Variants in KIFC2 observed in about 807,000 individuals in gnomAD.
KIFC2 encodes the protein kinesin family member C2.
KIFC2 carries 94 observed loss-of-function variants against 91.5 expected under a neutral mutation model. That is an observed-to-expected ratio of 1.03 (90% CI 0.87 to 1.22). KIFC2 has a LOEUF of 1.22. Ranked by LOEUF, KIFC2 falls within the 50% of genes most tolerant of loss-of-function variation. The pLI is 0.00. For synonymous variants in KIFC2, 729 were observed against 503.9 expected (o/e 1.45, Z -5.98); for missense variants, 1,357 against 1,103.3 (o/e 1.23, Z -3.26).
Position 144,469,772 on chromosome 8 carries a change from G to A in KIFC2, c.1380+125G>A, listed in dbSNP as rs114010211. The A allele has an allele frequency of 1.0e-3, 1,278 of 1,260,360 alleles. 8 individuals are homozygous for A. In the African/African-American group the frequency reaches 0.016, roughly 16 times the overall value. 78.1% of individuals were successfully genotyped at this position (1,260,360 alleles called of 1,614,324 possible). The stretch of plus-strand genomic sequence containing the variant: ...GAGGAGAGAGGGTGGCTGGGCTCTA[G>A]CCAGGAAGGAAAGGGAACCGAGGGG... On this transcript the variant is annotated intron_variant, in intron 12 of 17. Coordinates refer to ENST00000645548, the MANE Select transcript of KIFC2 (RefSeq NM_001369769.2).
Position 144,472,176 on chromosome 8 carries a change from GC to G in KIFC2, c.1525del (p.Gln509SerfsTer15). The G allele has an allele frequency of 6.2e-7, 1 of 1,613,338 alleles. No homozygotes were observed. Among genetic ancestry groups the G allele is most frequent in the Non-Finnish European group, 8.5e-7 (1 of 1,180,014 alleles). ...EDPGIVPRAL[Q>X]SLFREMGAGR... The stretch of plus-strand genomic sequence containing the variant: ...ACCCCGGCATAGTTCCTAGGGCGCT[GC>G]AGTCGCTGTTCCGGGAGATGGGGGC... On this transcript the variant is annotated frameshift_variant, in exon 14 of 18. Transcript: ENST00000645548. LOFTEE classifies it high-confidence loss of function.
intron 7 of KIFC2, 160 bp from the exon 8 acceptor site, chr8:144,468,169 C>T (rs1230962710): frequency 6.7e-6 from 7 of 1,038,872 alleles, no homozygotes; most frequent in Non-Finnish European, 9.6e-6. Flanking sequence ...GTGGCTGACC[C>T]CAGGAGAGCA....
At chr8:144,471,780 G>A (rs1017074928) in intron 12 of KIFC2, among the ~76,000 whole-genome samples, 162 bp from the exon 13 acceptor site, 3 of 152,034 alleles carry the variant, frequency 2.0e-5, no homozygotes, top group East Asian at 1.9e-4. Flanking sequence ...GGAGACAGAG[G>A]GTCTCTGTAG....
At position 144,473,581 on chromosome 8, in the gene KIFC2, C is replaced by T. The variant is rs375461784; in HGVS notation, c.*192C>T. ...TGTGTTGTGCCTGCTGAAGTGATCACCCCCCGCCCCCAGCCCTGCATCAGG... is the reference window on the plus strand; with the variant it reads ...TGTGTTGTGCCTGCTGAAGTGATCATCCCCCGCCCCCAGCCCTGCATCAGG... On this transcript the variant is annotated 3_prime_UTR_variant, in exon 18 of 18. Transcript: ENST00000645548. The T allele has an allele frequency of 1.6e-5, 13 of 792,582 alleles. No individual in the cohort carries two copies. Among genetic ancestry groups the T allele is most frequent in the African/African-American group, 7.4e-5 (4 of 54,386 alleles). 49.1% of individuals were successfully genotyped at this position (792,582 alleles called of 1,614,324 possible). A position where few individuals can be genotyped will look rare whatever the true frequency, so the allele number is the denominator to read the frequency against.
At position 144,466,941 on chromosome 8, in the gene KIFC2, C is replaced by G. The variant is rs183995594; in HGVS notation, c.179-18C>G. Reference sequence around the variant, plus strand: ...CACGTGACCCGAAATGTCTCCCGCCCTCCTCCCTGACCGGCAGCCAGCTCC... The same window carrying G: ...CACGTGACCCGAAATGTCTCCCGCCGTCCTCCCTGACCGGCAGCCAGCTCC... On this transcript the variant is annotated intron_variant, in intron 2 of 17. Transcript: ENST00000645548. 4,878 of 1,586,002 alleles carry G rather than the reference C, an allele frequency of 3.1e-3. 82 individuals carry two copies. The African/African-American group carries it at 0.037, about 12-fold the overall frequency.
Position 144,466,494 on chromosome 8 carries a change from C to T in KIFC2, c.75C>T (p.Ala25=). 2.3e-6 allele frequency: 3 copies of T among 1,314,696 alleles called. No homozygotes were observed. The highest frequency in any genetic ancestry group is 2.9e-6 in the Non-Finnish European group (3 of 1,024,654). The allele number at this position is 1,314,696 out of a possible 1,614,324, so 81.4% of individuals were successfully genotyped here. A position where few individuals can be genotyped will look rare whatever the true frequency, so the allele number is the denominator to read the frequency against. Residue 25 remains alanine (A), a synonymous_variant, in exon 1 of 18, where the codon GCC becomes GCT. Transcript: ENST00000645548. ...GCAGGGATGGTGGCGCCGCGGCGGC[C>T]GCGGAGCCCGGGGACCCCGCCCAGG... ...LFRRDGGAAA[A]AEPGDPAQRA...
rs1355340562 is a variant in KIFC2, at chr8:144,466,527, G to T, written c.99+9G>T. 8.1e-7 allele frequency: 1 copy of T among 1,238,614 alleles called. No individual in the cohort carries two copies. The highest frequency in any genetic ancestry group is 2.5e-5 in the South Asian group (1 of 39,270). The allele number at this position is 1,238,614 out of a possible 1,614,324, so 76.7% of individuals were successfully genotyped here. On this transcript the variant is annotated intron_variant, in intron 1 of 17. Transcript: ENST00000645548. ...CCGGGGACCCCGCCCAGGTGAGCGGGGCTGGCCGTGCAGCCCGTCGTCTCC... is the reference window on the plus strand; with the variant it reads ...CCGGGGACCCCGCCCAGGTGAGCGGTGCTGGCCGTGCAGCCCGTCGTCTCC...
chr8:144,467,103 T>C lies in KIFC2; in HGVS notation c.323T>C (p.Leu108Pro), dbSNP rs957680349. 1.2e-6 allele frequency: 2 copies of C among 1,602,672 alleles called. No homozygotes were observed. Among genetic ancestry groups the C allele is most frequent in the African/African-American group, 2.7e-5 (2 of 74,812 alleles). The part of the protein sequence containing the change: ...AEESCGGPAD[L>P]GQSGEVPSLL... ...GAGAGCTGCGGGGGCCCGGCGGACC[T>C]GGGCCAGGTGAGCGCGGCGGAGGGG... Residue 108 changes from leucine to proline, a missense_variant, in exon 3 of 18, where the codon CTG (leucine) becomes CCG (proline). Coordinates refer to ENST00000645548, the MANE Select transcript of KIFC2 (RefSeq NM_001369769.2).
In KIFC2 at chr8:144,472,147, G is replaced by A; in HGVS notation, c.1495G>A (p.Glu499Lys). The change falls in exon 14 of 18, where the codon GAG becomes AAG. Residue 499 changes from glutamate to lysine, a missense_variant. By Grantham distance (56) the Glu-to-Lys change is moderately conservative (BLOSUM62 1). Transcript: ENST00000645548. ...GKTYSMEGPP[E>K]DPGIVPRALQ... ...CCCACCCCATCCTCAGGGCCCTCCT[G>A]AGGACCCCGGCATAGTTCCTAGGGC... is the stretch of plus-strand genomic sequence containing the variant. The A allele has an allele frequency of 6.2e-7, 1 of 1,613,240 alleles. No individual in the cohort carries two copies. Among genetic ancestry groups the A allele is most frequent in the Non-Finnish European group, 8.5e-7 (1 of 1,180,012 alleles).
intron 8 of KIFC2, 33 bp from the exon 9 acceptor site, chr8:144,468,503 C>T (rs780042063): frequency 3.0e-5 from 42 of 1,418,670 alleles, no homozygotes; most frequent in Non-Finnish European, 3.4e-5. Context: ...GTGCCTGTTT[C>T]CTCAGTGACA....
Position 144,466,969 on chromosome 8 carries a change from G to T in KIFC2, c.189G>T (p.Glu63Asp). 1 of 1,595,022 alleles carries T rather than the reference G, an allele frequency of 6.3e-7. No individual in the cohort carries two copies. Reference protein sequence around the residue: ...TELTGLAASSEPEDGSEGAAE... With the variant: ...TELTGLAASSDPEDGSEGAAE... The stretch of plus-strand genomic sequence containing the variant: ...CTCCCTGACCGGCAGCCAGCTCCGA[G>T]CCTGAGGATGGGTCGGAAGGCGCAG... Residue 63 changes from glutamate to aspartate, a missense_variant, in exon 3 of 18, where the codon GAG (glutamate) becomes GAT (aspartate). Physicochemically the swap from Glu to Asp is conservative, Grantham distance 45 (BLOSUM62 2). Coordinates refer to ENST00000645548, the MANE Select transcript of KIFC2 (RefSeq NM_001369769.2).
Position 144,472,149 on chromosome 8 carries a change from G to A in KIFC2, c.1497G>A (p.Glu499=), listed in dbSNP as rs1564749811. The A allele has an allele frequency of 6.2e-7, 1 of 1,613,252 alleles. No individual in the cohort carries two copies. Among genetic ancestry groups the A allele is most frequent in the Admixed American group, 1.7e-5 (1 of 60,024 alleles). The part of the protein sequence containing the change: ...GKTYSMEGPP[E]DPGIVPRALQ... The stretch of plus-strand genomic sequence containing the variant: ...CACCCCATCCTCAGGGCCCTCCTGA[G>A]GACCCCGGCATAGTTCCTAGGGCGC... Residue 499 remains glutamate, a synonymous_variant, in exon 14 of 18, where the codon GAG becomes GAA. Transcript: ENST00000645548.
In KIFC2 at chr8:144,467,062, C is replaced by G. The variant is rs780492551; in HGVS notation, c.282C>G (p.Val94=). 123 of 1,596,130 alleles carry G rather than the reference C, an allele frequency of 7.7e-5. No homozygotes were observed. Among genetic ancestry groups the G allele is most frequent in the Non-Finnish European group, 1.0e-4 (120 of 1,171,834 alleles). The part of the protein sequence containing the change: ...ALLRLAEFLS[V]QLGAEESCGG... ...TGCGCCTCGCCGAGTTCCTCTCCGT[C>G]CAGCTGGGGGCGGAAGAGAGCTGCG... Residue 94 remains valine, a synonymous_variant, in exon 3 of 18, where the codon GTC becomes GTG. Coordinates refer to ENST00000645548, the MANE Select transcript of KIFC2 (RefSeq NM_001369769.2).
rs550048193 is a variant in KIFC2 at position 144,472,437 on chromosome 8, G to A, written c.1684G>A (p.Ala562Thr). 6.2e-7 allele frequency: 1 copy of A among 1,612,668 alleles called. No individual in the cohort carries two copies. The highest frequency in any genetic ancestry group is 1.7e-5 in the Admixed American group (1 of 59,974). ...AGAAGGCCAGGGCGGGATCCAGGTG[G>A]CTGGCCTCACCCACTGGGACGTGCC... ...GPEGQGGIQV[A>T]GLTHWDVPNL... is the part of the protein sequence containing the mutation. Residue 562 changes from alanine to threonine, a missense_variant, in exon 15 of 18, where the codon GCT (alanine) becomes ACT (threonine). Physicochemically the swap from Ala to Thr is moderately conservative, Grantham distance 58. Coordinates refer to ENST00000645548, the MANE Select transcript of KIFC2 (RefSeq NM_001369769.2).
rs770195906 is a variant in KIFC2 at position 144,467,706 on chromosome 8, C to T, written c.616-8C>T. On this transcript the variant is annotated splice_region_variant and splice_polypyrimidine_tract_variant and intron_variant, in intron 5 of 17. Coordinates refer to ENST00000645548, the MANE Select transcript of KIFC2 (RefSeq NM_001369769.2). ...GAGGTCCACCCTGTCTCTCTTACTTCTCCCCAGCTGGAGGAGCTGAAGCAG... is the reference window on the plus strand; with the variant it reads ...GAGGTCCACCCTGTCTCTCTTACTTTTCCCCAGCTGGAGGAGCTGAAGCAG... 18 of 1,613,642 alleles carry T rather than the reference C, an allele frequency of 1.1e-5. No individual in the cohort carries two copies. Among genetic ancestry groups the T allele is most frequent in the East Asian group, 2.2e-5 (1 of 44,888 alleles).
In KIFC2 at chr8:144,470,010, C is replaced by T. The variant is rs145761674; in HGVS notation, c.1380+363C>T. ...CTCTCTCTGCCTTGCCTGGATCCCA[C>T]TCTCCTTCCCCACCCTTTTCCTGCC... On this transcript the variant is annotated intron_variant, in intron 12 of 17. Coordinates refer to ENST00000645548, the MANE Select transcript of KIFC2 (RefSeq NM_001369769.2). Among the ~76,000 whole-genome samples, 1,394 of 152,392 alleles carry T rather than the reference C, an allele frequency of 9.1e-3. 15 individuals carry two copies. Among genetic ancestry groups the T allele is most frequent in the South Asian group, 0.032 (153 of 4,832 alleles).
chr8:144,467,003 C>G lies in KIFC2; in HGVS notation c.223C>G (p.Arg75Gly), dbSNP rs764256709. The G allele has an allele frequency of 1.1e-4, 168 of 1,594,622 alleles. 1 individual carries two copies. The highest frequency in any genetic ancestry group is 4.4e-4 in the Admixed American group (26 of 58,574). ...TGGGTCGGAAGGCGCAGCCGAGGGC[C>G]GCGCGGCCGCGGTGTCCCTGGAAGA... ...EDGSEGAAEGRAAAVSLEEAL... is the reference protein window; with the variant it reads ...EDGSEGAAEGGAAAVSLEEAL... The change falls in exon 3 of 18, where the codon CGC (arginine) becomes GGC (glycine). Residue 75 changes from arginine to glycine, a missense_variant. By Grantham distance (125) the Arg-to-Gly change is moderately radical (BLOSUM62 -2). Coordinates refer to ENST00000645548, the MANE Select transcript of KIFC2 (RefSeq NM_001369769.2).
In KIFC2 at chr8:144,467,697, C is replaced by G. The variant is rs922457227; in HGVS notation, c.616-17C>G. 23 of 1,613,482 alleles carry G rather than the reference C, an allele frequency of 1.4e-5. No individual in the cohort carries two copies. Among genetic ancestry groups the G allele is most frequent in the Non-Finnish European group, 1.9e-5 (23 of 1,179,810 alleles). On this transcript the variant is annotated splice_polypyrimidine_tract_variant and intron_variant, in intron 5 of 17. Transcript: ENST00000645548. Reference sequence around the variant, plus strand: ...CAGAAAAAGGAGGTCCACCCTGTCTCTCTTACTTCTCCCCAGCTGGAGGAG... The same window carrying G: ...CAGAAAAAGGAGGTCCACCCTGTCTGTCTTACTTCTCCCCAGCTGGAGGAG...
Position 144,473,013 on chromosome 8 carries a change from G to A in KIFC2, c.2080G>A (p.Ala694Thr), listed in dbSNP as rs933529171. 1.4e-6 allele frequency: 2 copies of A among 1,421,378 alleles called. No homozygotes were observed. The highest frequency in any genetic ancestry group is 1.8e-6 in the Non-Finnish European group (2 of 1,095,264). The allele number at this position is 1,421,378 out of a possible 1,614,324, so 88.0% of individuals were successfully genotyped here. A position where few individuals can be genotyped will look rare whatever the true frequency, so the allele number is the denominator to read the frequency against. The change falls in exon 17 of 18, where the codon GCG becomes ACG. Residue 694 changes from alanine (A) to threonine (T), a missense_variant. Ala to Thr is a moderately conservative substitution (Grantham distance 58). Transcript: ENST00000645548. ...DSQLTRLLQP[A>T]LGPGTTAVLL... is the part of the protein sequence containing the mutation. ...GCAGCTCACGCGACTGCTGCAGCCG[G>A]CGCTGGGCCCAGGCACCACCGCGGT... is the stretch of plus-strand genomic sequence containing the variant.
Sources: allele counts gnomAD v4.1 joint callset (sites outside exome capture counted in the v4.1 genomes callset), GRCh38; gene constraint gnomAD v4.1.1; transcripts MANE v1.5; gene names NCBI Gene and HGNC (gene_info 2026-07-23, HGNC 2026-07-21).